The following EVC variants were observed in gnomAD, a reference collection of about 807,000 sequenced individuals.
The protein encoded by EVC is EvC ciliary complex subunit 1.
In EVC, 116 loss-of-function variants were observed where a neutral mutation model predicts 118.9. The observed-to-expected ratio is 0.98, with a 90% CI of 0.84 to 1.14. The LOEUF (loss-of-function observed/expected upper bound fraction) is 1.14, where lower values mean the gene tolerates loss of function less well. Ranked by LOEUF, EVC falls within the 50% of genes most tolerant of loss-of-function variation. The probability of loss-of-function intolerance (pLI) is 0.00; values close to 1 mark genes in which losing one functional copy is unlikely to be tolerated. For missense variants in EVC, 1,401 were observed against 1,246.4 expected, an observed-to-expected ratio of 1.12 and a Z score of -1.87; for synonymous variants, 619 against 534.7, an observed-to-expected ratio of 1.16 and a Z score of -2.18.
Position 5,755,694 on chromosome 4 carries a change from C to T in EVC, c.1465-570C>T, listed in dbSNP as rs374897433. Among the ~76,000 whole-genome samples the T allele has an allele frequency of 6.6e-6, 1 of 152,186 alleles. No homozygotes were observed. Among genetic ancestry groups the T allele is most frequent in the African/African-American group, 2.4e-5 (1 of 41,448 alleles). On this transcript the variant is annotated intron_variant, in intron 10 of 20. Transcript: ENST00000264956. The surrounding 1 kb of genome is among the most constrained non-coding windows in gnomAD (Gnocchi z 4.1). ...CAGGGAATTTTCTCCTGCAACCCTT[C>T]CCTGAGAAGGGTCTGTTCCTCTGTC...
In EVC at chr4:5,797,122, C is replaced by A. The variant is rs867240492; in HGVS notation, c.1987C>A (p.Arg663=). 1 of 1,613,434 alleles carries A rather than the reference C, an allele frequency of 6.2e-7. No homozygotes were observed. Among genetic ancestry groups the A allele is most frequent in the Admixed American group, 1.7e-5 (1 of 60,010 alleles). ...CGCCCTGGCCACCCTGACGCAGATG[C>A]GGCTATCGGGGAAGAAGCACCTCCT... ...GNALATLTQM[R]LSGKKHLLQE... Residue 663 remains arginine (R), a synonymous_variant, in exon 14 of 21, where the codon CGG becomes AGG. Transcript: ENST00000264956.
intron 13 of EVC, among the ~76,000 whole-genome samples, chr4:5,794,481 A>T (rs1165895108): frequency 6.7e-6 from 1 of 149,772 alleles, no homozygotes. Flanking sequence ...ATCTTGGCTC[A>T]CTGCAACTTC....
chr4:5,821,677 T>G, the EVC span: 1 of 1,332,784 alleles, frequency 7.5e-7, no homozygotes, highest in Non-Finnish European at 1.0e-6. The surrounding 1 kb of genome is among the most constrained non-coding windows in gnomAD (Gnocchi z 4.4). Context: ...CAACTAAAAC[T>G]GTGGGTTTCA....
chr4:5,824,278 CA>C, the EVC span: 175 of 985,094 alleles, frequency 1.8e-4, 1 homozygote, highest in African/African-American at 2.9e-3. Flanking sequence ...GCTGATTGAG[CA>C]TCACATGACT....
chr4:5,778,184 C>T (rs1444739056), intron 11 of EVC, among the ~76,000 whole-genome samples: 14 of 151,366 alleles, frequency 9.2e-5, no homozygotes, highest in Non-Finnish European at 2.1e-4. Context: ...TTTTTTATGG[C>T]TGCATAGTAT....
chr4:5,809,089 T>G (rs1716478257), intron 18 of EVC, among the ~76,000 whole-genome samples: 1 of 152,234 alleles, frequency 6.6e-6, no homozygotes, highest in Non-Finnish European at 1.5e-5. Context: ...AACTGAGGCA[T>G]GCACAGGTTA....
intron 13 of EVC, 107 bp from the exon 14 acceptor site, chr4:5,796,915 C>T: frequency 1.1e-6 from 1 of 872,842 alleles, no homozygotes; most frequent in Non-Finnish European, 2.0e-6. Context: ...TTCCAACCTG[C>T]TTCCTTTTGG....
rs1273222229 is a variant in EVC at position 5,797,204 on chromosome 4, A to G, written c.2069A>G (p.Glu690Gly). The G allele has an allele frequency of 2.5e-6, 4 of 1,612,178 alleles. No individual in the cohort carries two copies. Reference protein sequence around the residue: ...LEQGSSQCLDEHQWQLLRALE... With the variant: ...LEQGSSQCLDGHQWQLLRALE... Reference sequence around the variant, plus strand: ...CAGGGGTCCTCCCAGTGCCTGGACGAGCATCAGTGGCAGCTGCTCAGGGCC... The same window carrying G: ...CAGGGGTCCTCCCAGTGCCTGGACGGGCATCAGTGGCAGCTGCTCAGGGCC... The change falls in exon 14 of 21, where the codon GAG becomes GGG. Residue 690 changes from glutamate (E) to glycine (G), a missense_variant. Transcript: ENST00000264956.
the EVC span, chr4:5,828,545 T>C: frequency 6.2e-7 from 1 of 1,614,244 alleles, no homozygotes; most frequent in South Asian, 1.1e-5. Flanking sequence ...TTCCGCGGAA[T>C]GAAGCGGCCC....
At position 5,731,107 on chromosome 4, in the gene EVC, G is replaced by A. The variant is rs1726736483; in HGVS notation, c.385-318G>A. 6.6e-6 allele frequency among the ~76,000 whole-genome samples: 1 copy of A among 152,068 alleles called. No individual in the cohort carries two copies. Among genetic ancestry groups the A allele is most frequent in the African/African-American group, 2.4e-5 (1 of 41,410 alleles). On this transcript the variant is annotated intron_variant, in intron 3 of 20. Coordinates refer to ENST00000264956, the MANE Select transcript of EVC (RefSeq NM_153717.3). This position sits in a 1 kb window ranked among gnomAD's most constrained non-coding sequence, Gnocchi z 5.6. The stretch of plus-strand genomic sequence containing the variant: ...AGGGCAAGCGGTGGCTATGGAGGAG[G>A]TAGGTCAGAGTTGGCAGCTGGGAGG...
intron 14 of EVC, among the ~76,000 whole-genome samples, chr4:5,797,772 T>G (rs1283661891): frequency 6.6e-6 from 1 of 152,152 alleles, no homozygotes; most frequent in Non-Finnish European, 1.5e-5. Flanking sequence ...GTACCAAAAG[T>G]TTTTAGTATC....
intron 11 of EVC, among the ~76,000 whole-genome samples, chr4:5,759,702 C>G (rs1214857539): frequency 3.3e-5 from 5 of 152,202 alleles, no homozygotes; most frequent in African/African-American, 1.2e-4. Flanking sequence ...AAAACCCTAT[C>G]AATGATTGCT....
intron 8 of EVC, 181 bp from the exon 9 acceptor site, chr4:5,752,654 AC>A (rs1214365609): frequency 5.8e-6 from 4 of 694,128 alleles, no homozygotes; most frequent in Non-Finnish European, 1.0e-5. Context: ...CTTAATCCCC[AC>A]CTCGGGGGCA....
intron 14 of EVC, among the ~76,000 whole-genome samples, chr4:5,797,849 C>T (rs1254367685): frequency 1.3e-5 from 2 of 152,178 alleles, no homozygotes; most frequent in Non-Finnish European, 2.9e-5. Context: ...GTGCAGTTGT[C>T]ATTGGGGGTA....
chr4:5,791,572 A>C (rs1712788727), intron 12 of EVC, among the ~76,000 whole-genome samples: 1 of 152,192 alleles, frequency 6.6e-6, no homozygotes, highest in South Asian at 2.1e-4. Flanking sequence ...GGGCAGAAGT[A>C]TGAACTTTAT....
chr4:5,825,683 G>A, the EVC span: 1 of 1,610,302 alleles, frequency 6.2e-7, no homozygotes, highest in Non-Finnish European at 8.5e-7. This position sits in a 1 kb window ranked among gnomAD's most constrained non-coding sequence, Gnocchi z 4.4. Flanking sequence ...GGGAGAGTGT[G>A]ATTGATCGAC....
At chr4:5,780,993 G>A (rs1179442516) in intron 11 of EVC, among the ~76,000 whole-genome samples, 1 of 152,190 alleles carries the variant, frequency 6.6e-6, no homozygotes, top group Non-Finnish European at 1.5e-5. Flanking sequence ...CTACCAGGAA[G>A]CTATCTTGAG....
chr4:5,809,388 A>C, intron 18 of EVC, 130 bp from the exon 19 acceptor site: 1 of 785,560 alleles, frequency 1.3e-6, no homozygotes, highest in South Asian at 1.4e-5. Context: ...TATGTTGGAA[A>C]ATTCTCCTCC....
At chr4:5,722,371 G>T (rs943645911) in intron 2 of EVC, among the ~76,000 whole-genome samples, 9 of 152,156 alleles carry the variant, frequency 5.9e-5, no homozygotes, top group African/African-American at 2.2e-4. Context: ...AATTGCCAAG[G>T]GTTAAGTGAA....
Sources: gnomAD v4.1 joint callset for allele counts (sites outside exome capture counted in the v4.1 genomes callset) on GRCh38, gnomAD v4.1.1 for gene constraint, Gnocchi (gnomAD v3.1) non-coding constraint, MANE v1.5 for transcripts, NCBI Gene and HGNC (gene_info 2026-07-23, HGNC 2026-07-21) for gene names.